The following NIBAN1 variants were observed in gnomAD, a reference collection of about 807,000 sequenced individuals.
The protein encoded by NIBAN1 is protein Niban 1.
Under a neutral mutation model 75.1 loss-of-function variants are expected in NIBAN1, and 81 were observed. The observed-to-expected ratio is 1.08, with a 90% CI of 0.90 to 1.30. The LOEUF is 1.30. NIBAN1 is among the 50% of genes most tolerant of loss of function. NIBAN1 has a pLI of 0.00. For missense variants in NIBAN1, 1,133 were observed against 1,128.1 expected (o/e 1.00, Z -0.06); for synonymous variants, 436 against 424.8 (o/e 1.03, Z -0.32).
intron 1 of NIBAN1, among the ~76,000 whole-genome samples, chr1:184,970,169 C>CAAAAA (rs540891439): frequency 1.4e-5 from 1 of 71,518 alleles, no homozygotes. Context: ...GACCCTGTCT[C>CAAAAA]AAAAAAAAAA....
chr1:184,852,344 G>T lies in NIBAN1; in HGVS notation c.602-20382C>A, dbSNP rs560836062. ...CTGCTTGCCACCAAAACTGGGCATG[G>T]TCAGGGGACAACACAAGTGTGCCTG... On this transcript the variant is annotated intron_variant, in intron 5 of 13. Coordinates refer to ENST00000367511, the MANE Select transcript of NIBAN1 (RefSeq NM_052966.4). Among the ~76,000 whole-genome samples, 107 of 152,256 alleles carry T rather than the reference G, an allele frequency of 7.0e-4. 1 individual carries two copies. Among genetic ancestry groups the T allele is most frequent in the African/African-American group, 2.4e-3 (100 of 41,536 alleles).
intron 1 of NIBAN1, among the ~76,000 whole-genome samples, chr1:184,935,992 A>G (rs1571587137): frequency 6.6e-6 from 1 of 150,774 alleles, no homozygotes; most frequent in South Asian, 2.1e-4. Context: ...CCACAGCTAT[A>G]TCTAACCCAA....
chr1:184,875,518 T>A (rs1656209054), intron 5 of NIBAN1, among the ~76,000 whole-genome samples: 1 of 152,206 alleles, frequency 6.6e-6, no homozygotes, highest in Non-Finnish European at 1.5e-5. Context: ...GACGACTAGG[T>A]TCTCCCAAAT....
At chr1:184,934,149 C>G (rs1474631969) in intron 1 of NIBAN1, among the ~76,000 whole-genome samples, 1 of 152,182 alleles carries the variant, frequency 6.6e-6, no homozygotes, top group Non-Finnish European at 1.5e-5. Context: ...TAAAAAGTAA[C>G]AAAATTATGT....
intron 5 of NIBAN1, among the ~76,000 whole-genome samples, chr1:184,871,868 A>C (rs1656117686): frequency 6.6e-6 from 1 of 152,200 alleles, no homozygotes; most frequent in Admixed American, 6.5e-5. Context: ...CTCTTGAGAA[A>C]TCATAATCAG....
chr1:184,827,716 G>A (rs1371040032), intron 6 of NIBAN1, among the ~76,000 whole-genome samples: 1 of 151,918 alleles, frequency 6.6e-6, no homozygotes, highest in Non-Finnish European at 1.5e-5. Context: ...CCCCTTGAAG[G>A]CCACACCACA....
chr1:184,820,002 T>C (rs1447370902), intron 8 of NIBAN1, among the ~76,000 whole-genome samples: 1 of 152,212 alleles, frequency 6.6e-6, no homozygotes, highest in Non-Finnish European at 1.5e-5. Flanking sequence ...AAATGACTAA[T>C]ATTATTAATA....
At chr1:184,875,846 A>G (rs1656218034) in intron 5 of NIBAN1, among the ~76,000 whole-genome samples, 1 of 152,224 alleles carries the variant, frequency 6.6e-6, no homozygotes, top group Non-Finnish European at 1.5e-5. Context: ...ACAAATATAC[A>G]ATAATCTCCC....
chr1:184,792,875 A>C lies in NIBAN1; in HGVS notation c.*2102T>G, dbSNP rs1179838404. ...GACTAAACCCTAGTTTCTGTCTTTT[A>C]AGAGAGGAGCCACTTGGAGAGACAA... On this transcript the variant is annotated 3_prime_UTR_variant, in exon 14 of 14. Coordinates refer to ENST00000367511, the MANE Select transcript of NIBAN1 (RefSeq NM_052966.4). 6.6e-6 allele frequency: 1 copy of C among 152,270 alleles called. No individual in the cohort carries two copies. Among genetic ancestry groups the C allele is most frequent in the East Asian group, 1.9e-4 (1 of 5,194 alleles). 9.4% of individuals were successfully genotyped at this position (152,270 alleles called of 1,614,324 possible).
chr1:184,812,035 G>A (rs942925429), intron 9 of NIBAN1, among the ~76,000 whole-genome samples: 4 of 152,154 alleles, frequency 2.6e-5, no homozygotes, highest in Non-Finnish European at 5.9e-5. Context: ...AGATCCTTTC[G>A]CTACTAACTA....
At chr1:184,931,000 T>TTTTCTTTTC (rs199807184) in intron 1 of NIBAN1, among the ~76,000 whole-genome samples, 25 of 126,852 alleles carry the variant, frequency 2.0e-4, no homozygotes, top group African/African-American at 9.6e-4. Flanking sequence ...TCTTCTTCTT[T>TTTTCTTTTC]TTTTTTTTTT....
intron 1 of NIBAN1, among the ~76,000 whole-genome samples, chr1:184,907,013 T>C (rs1657123677): frequency 6.6e-6 from 1 of 152,258 alleles, no homozygotes; most frequent in African/African-American, 2.4e-5. Flanking sequence ...TGATACATTC[T>C]ATAATCTTCT....
chr1:184,962,696 C>G (rs538116002), intron 1 of NIBAN1, among the ~76,000 whole-genome samples: 3 of 152,054 alleles, frequency 2.0e-5, no homozygotes, highest in Non-Finnish European at 4.4e-5. Context: ...CCAAAAGATT[C>G]AGGAGCCAAC....
chr1:184,870,522 C>A (rs1282742691), intron 5 of NIBAN1, among the ~76,000 whole-genome samples: 1 of 152,086 alleles, frequency 6.6e-6, no homozygotes, highest in Non-Finnish European at 1.5e-5. Context: ...TGAGTCATTT[C>A]CCCCGCTGTC....
intron 2 of NIBAN1, among the ~76,000 whole-genome samples, chr1:184,896,644 TAA>T (rs1656808292): frequency 6.6e-6 from 1 of 152,174 alleles, no homozygotes; most frequent in Non-Finnish European, 1.5e-5. Context: ...GAGTTTTTCC[TAA>T]GTTTTCTTTT....
At position 184,968,209 on chromosome 1, in the gene NIBAN1, C is replaced by CAAAAAAAAAAAA. The variant is rs1176738165; in HGVS notation, c.55+6081_55+6092dup. On this transcript the variant is annotated intron_variant, in intron 1 of 13. Coordinates refer to ENST00000367511, the MANE Select transcript of NIBAN1 (RefSeq NM_052966.4). ...TGGGCGACAGAGCGAGACTCCGTCT[C>CAAAAAAAAAAAA]AAAAAAAAAAAAAAAAAAAGAAATC... Among the ~76,000 whole-genome samples, 23 of 8,786 alleles carry CAAAAAAAAAAAA rather than the reference C, an allele frequency of 2.6e-3. 1 individual carries two copies. The highest frequency in any genetic ancestry group is 8.9e-3 in the African/African-American group (23 of 2,580). 5.8% of individuals were successfully genotyped at this position (8,786 alleles called of 152,430 possible). A position where few individuals can be genotyped will look rare whatever the true frequency, so the allele number is the denominator to read the frequency against.
At chr1:184,889,788 GA>G (rs1235209348) in intron 4 of NIBAN1, among the ~76,000 whole-genome samples, 2 of 152,202 alleles carry the variant, frequency 1.3e-5, no homozygotes, top group Non-Finnish European at 2.9e-5. Flanking sequence ...CTCAACTAGA[GA>G]AATCACATCT....
At chr1:184,812,145 C>CGAAA (rs1654400053) in intron 9 of NIBAN1, among the ~76,000 whole-genome samples, 1 of 152,150 alleles carries the variant, frequency 6.6e-6, no homozygotes, top group Non-Finnish European at 1.5e-5. Flanking sequence ...CAATACTTTC[C>CGAAA]TTCATCTTAT....
intron 5 of NIBAN1, among the ~76,000 whole-genome samples, chr1:184,871,858 C>A (rs1219788924): frequency 6.6e-6 from 1 of 152,128 alleles, no homozygotes; most frequent in East Asian, 1.9e-4. Flanking sequence ...ATAAATATTT[C>A]TCTTGAGAAA....
Sources: gnomAD v4.1 joint callset for allele counts (sites outside exome capture counted in the v4.1 genomes callset) on GRCh38, gnomAD v4.1.1 for gene constraint, MANE v1.5 for transcripts, NCBI Gene and HGNC (gene_info 2026-07-23, HGNC 2026-07-21) for gene names.